DNAH3: variants seen among roughly 807,000 people sequenced by gnomAD.
The protein encoded by DNAH3 is dynein axonemal heavy chain 3.
In DNAH3, 332 loss-of-function variants were observed where a neutral mutation model predicts 432.5. The ratio of observed to expected loss-of-function variants is 0.77; its 90% CI spans 0.70 to 0.84. DNAH3 has a LOEUF of 0.84. DNAH3 is among the 40% of genes least tolerant of loss of function. The probability of loss-of-function intolerance (pLI) is 0.00; values close to 1 mark genes in which losing one functional copy is unlikely to be tolerated. For missense variants in DNAH3, 4,861 were observed against 5,114.0 expected, an observed-to-expected ratio of 0.95 and a Z score of 1.51; for synonymous variants, 1,956 against 1,900.2, an observed-to-expected ratio of 1.03 and a Z score of -0.76.
intron 1 of DNAH3, among the ~76,000 whole-genome samples, chr16:21,151,383 T>G (rs2092851595): frequency 6.7e-6 from 1 of 149,104 alleles, no homozygotes; most frequent in Admixed American, 6.8e-5. Flanking sequence ...TGCAGTGGCG[T>G]GATCTCAGCT....
intron 41 of DNAH3, among the ~76,000 whole-genome samples, chr16:21,008,188 CTCTCTCTCTCCTCTG>C (rs1229067144): frequency 6.6e-6 from 1 of 152,090 alleles, no homozygotes; most frequent in Non-Finnish European, 1.5e-5. Context: ...TAAACATTCT[CTCTCTCTCTCCTCTG>C]TCTCTCTCTC....
chr16:20,968,095 G>T (rs543049650), intron 52 of DNAH3, among the ~76,000 whole-genome samples: 2 of 152,204 alleles, frequency 1.3e-5, no homozygotes, highest in East Asian at 1.9e-4. Flanking sequence ...TTGAGACAGG[G>T]TCTCACTCTG....
chr16:21,122,762 T>C (rs2092370871), intron 9 of DNAH3, among the ~76,000 whole-genome samples: 1 of 151,986 alleles, frequency 6.6e-6, no homozygotes, highest in Non-Finnish European at 1.5e-5. Context: ...CTGGATATAA[T>C]CTCCTCCCAC....
chr16:20,941,786 G>A (rs969666873), intron 58 of DNAH3, among the ~76,000 whole-genome samples: 4 of 152,126 alleles, frequency 2.6e-5, no homozygotes, highest in African/African-American at 4.8e-5. Context: ...GGCAGAGCAC[G>A]GTGGCTCACG....
exon 56 of DNAH3, chr16:20,952,463 C>T: frequency 6.2e-7 from 1 of 1,613,174 alleles, no homozygotes. Flanking sequence ...TCAAAGGGCA[C>T]CTCCTTGTAG....
intron 52 of DNAH3, among the ~76,000 whole-genome samples, chr16:20,968,180 CTT>C (rs1193425271): frequency 6.6e-6 from 1 of 152,178 alleles, no homozygotes; most frequent in East Asian, 1.9e-4. Context: ...GCGTTCCTCT[CTT>C]CTCAGCCTCC....
At position 20,952,466 on chromosome 16, in the gene DNAH3, C is replaced by T. The variant is rs367972754; in HGVS notation, c.11155G>A (p.Glu3719Lys). The T allele has an allele frequency of 4.3e-6, 7 of 1,613,198 alleles. No homozygotes were observed. In the African/African-American group the frequency reaches 6.7e-5, roughly 15 times the overall value. Residue 3719 changes from glutamate (E) to lysine (K), a missense_variant, in exon 56 of 62, where the codon GAG becomes AAG. Coordinates refer to ENST00000261383, the Ensembl canonical transcript of DNAH3. ...TAGGTCAGAGCATCAAAGGGCACCTCCTTGTAGTCATTGAGAAACATCTGG... is the reference window on the plus strand; with the variant it reads ...TAGGTCAGAGCATCAAAGGGCACCTTCTTGTAGTCATTGAGAAACATCTGG...
intron 60 of DNAH3, among the ~76,000 whole-genome samples, chr16:20,935,891 C>T (rs1409843745): frequency 6.7e-6 from 1 of 150,072 alleles, no homozygotes; most frequent in East Asian, 2.0e-4. Flanking sequence ...AGGGATACAA[C>T]AGAGAGTGGT....
chr16:20,976,729 A>T (rs953465422), intron 50 of DNAH3, among the ~76,000 whole-genome samples: 4 of 152,188 alleles, frequency 2.6e-5, no homozygotes, highest in African/African-American at 4.8e-5. Flanking sequence ...ATGATGGGGT[A>T]AATGCCCTTA....
chr16:20,959,882 G>A (rs2084742839), intron 53 of DNAH3, among the ~76,000 whole-genome samples: 1 of 152,110 alleles, frequency 6.6e-6, no homozygotes, highest in Admixed American at 6.6e-5. Context: ...AGGTTTGAAA[G>A]AAAAGGATAT....
intron 26 of DNAH3, among the ~76,000 whole-genome samples, chr16:21,060,010 A>G (rs1235210535): frequency 1.3e-5 from 2 of 152,182 alleles, no homozygotes; most frequent in African/African-American, 4.8e-5. Flanking sequence ...CATTTGACAA[A>G]AAGGACTGGT....
rs376947443 is a variant in DNAH3 at position 20,987,707 on chromosome 16, G to C, written c.6868C>G (p.His2290Asp). Residue 2290 changes from histidine to aspartate, a missense_variant, in exon 46 of 62, where the codon CAC becomes GAC. Transcript: ENST00000261383. ...TAGTGGCTGACCTGCAGGTGTGTGT[G>C]AGGGCACAGCAGGACCCCTTGAATC... 3 of 1,613,910 alleles carry C rather than the reference G, an allele frequency of 1.9e-6. No homozygotes were observed. The African/African-American group carries it at 4.0e-5, about 22-fold the overall frequency.
chr16:21,080,912 CTTTT>C (rs927555755), intron 20 of DNAH3, among the ~76,000 whole-genome samples: 1 of 151,332 alleles, frequency 6.6e-6, no homozygotes, highest in African/African-American at 2.4e-5. Flanking sequence ...GAAAAGACTT[CTTTT>C]TTTTTCTTTT....
rs535103495 is a variant in DNAH3 at position 21,081,528 on chromosome 16, C to T, written c.2969+108G>A. 36 of 852,122 alleles carry T rather than the reference C, an allele frequency of 4.2e-5. No homozygotes were observed. The South Asian group carries it at 6.6e-4, about 16-fold the overall frequency. 52.8% of individuals were successfully genotyped at this position (852,122 alleles called of 1,614,324 possible). On this transcript the variant is annotated intron_variant, in intron 20 of 61. Coordinates refer to ENST00000261383, the Ensembl canonical transcript of DNAH3. ...TAAATAGCCTTAAGCCACCCTACGC[C>T]ACAAGGAAAAAAAAACAAACAGCCC...
intron 33 of DNAH3, among the ~76,000 whole-genome samples, chr16:21,038,487 C>T (rs1000971447): frequency 6.6e-6 from 1 of 152,164 alleles, no homozygotes; most frequent in African/African-American, 2.4e-5. Flanking sequence ...CACTACACTC[C>T]ACTTTGGATT....
intron 54 of DNAH3, 44 bp from the exon 55 acceptor site, chr16:20,955,101 T>C (rs2084503215): frequency 1.3e-6 from 2 of 1,516,598 alleles, no homozygotes; most frequent in Admixed American, 2.2e-5. Flanking sequence ...ATACAATAAG[T>C]TATAGTGAAA....
intron 44 of DNAH3, among the ~76,000 whole-genome samples, chr16:20,994,477 T>A (rs1451461235): frequency 6.6e-6 from 1 of 152,152 alleles, no homozygotes; most frequent in Non-Finnish European, 1.5e-5. Context: ...AAGTTTTTAT[T>A]GTGATAAAAT....
At chr16:20,968,687 TTTC>T (rs1220665621) in intron 52 of DNAH3, among the ~76,000 whole-genome samples, 3 of 151,956 alleles carry the variant, frequency 2.0e-5, no homozygotes, top group Non-Finnish European at 2.9e-5. Context: ...TCTCTCTCTC[TTTC>T]TTCCTCTCCA....
intron 16 of DNAH3, 187 bp downstream of exon 16, chr16:21,104,284 C>G: frequency 1.7e-6 from 1 of 587,718 alleles, no homozygotes; most frequent in East Asian, 2.9e-5. Context: ...TACAGTGAAG[C>G]AGTCTTAAAG....
Sources: allele counts gnomAD v4.1 joint callset (sites outside exome capture counted in the v4.1 genomes callset), GRCh38; gene constraint gnomAD v4.1.1; transcripts MANE v1.5; gene names NCBI Gene and HGNC (gene_info 2026-07-23, HGNC 2026-07-21).